Variants in SLC35F4 observed in about 807,000 individuals in gnomAD.
SLC35F4 encodes the protein chromosome 14 open reading frame 36.
A neutral mutation model predicts 44.2 loss-of-function variants in SLC35F4; 24 were observed. The observed-to-expected ratio is 0.54, with a 90% CI of 0.39 to 0.76. The LOEUF (loss-of-function observed/expected upper bound fraction) is 0.76. Ranked by LOEUF, SLC35F4 falls within the 30% of genes least tolerant of loss-of-function variation. SLC35F4 has a pLI of 0.00. For synonymous variants in SLC35F4, 238 were observed against 223.6 expected (o/e 1.06, Z -0.57); for missense variants, 562 against 586.1 (o/e 0.96, Z 0.42).
At chr14:57,707,083 G>A (rs1290054254) in intron 1 of SLC35F4, among the ~76,000 whole-genome samples, 1 of 152,122 alleles carries the variant, frequency 6.6e-6, no homozygotes, top group Non-Finnish European at 1.5e-5. Context: ...AAAGGTATTG[G>A]GAAAAAGAAT....
At chr14:57,664,178 T>A (rs1393299341) in intron 1 of SLC35F4, among the ~76,000 whole-genome samples, 1 of 152,170 alleles carries the variant, frequency 6.6e-6, no homozygotes, top group Non-Finnish European at 1.5e-5. Flanking sequence ...CAGAGACAGA[T>A]GTGCAGAGAA....
At chr14:57,908,266 T>C (rs2141049665) in intron 1 of SLC35F4, among the ~76,000 whole-genome samples, 1 of 152,328 alleles carries the variant, frequency 6.6e-6, no homozygotes, top group African/African-American at 2.4e-5. Flanking sequence ...TGTGCATGTG[T>C]CTTTAGAGTA....
intron 1 of SLC35F4, among the ~76,000 whole-genome samples, chr14:57,615,983 C>T (rs1166141846): frequency 6.6e-6 from 1 of 152,166 alleles, no homozygotes; most frequent in Middle Eastern, 3.2e-3. Context: ...TGATTTTCTA[C>T]ATTTAAAATT....
At chr14:57,889,748 A>G (rs1888721242) in intron 1 of SLC35F4, among the ~76,000 whole-genome samples, 1 of 152,222 alleles carries the variant, frequency 6.6e-6, no homozygotes, top group Admixed American at 6.5e-5. Context: ...AATATCTTTT[A>G]TTAAAATGAA....
chr14:57,943,051 G>T (rs1481454415), intron 1 of SLC35F4, among the ~76,000 whole-genome samples: 1 of 152,132 alleles, frequency 6.6e-6, no homozygotes, highest in Non-Finnish European at 1.5e-5. Flanking sequence ...CAATCTCTTT[G>T]TTCCTCATAA....
chr14:57,714,930 G>A (rs2075902297), intron 1 of SLC35F4, among the ~76,000 whole-genome samples: 1 of 152,200 alleles, frequency 6.6e-6, no homozygotes, highest in Admixed American at 6.5e-5. Context: ...GGAAGATGAG[G>A]GAGTTTGCAG....
At chr14:57,589,093 C>T (rs574490093) in intron 3 of SLC35F4, 123 bp downstream of exon 3, 24 of 1,058,410 alleles carry the variant, frequency 2.3e-5, no homozygotes, top group Non-Finnish European at 3.0e-5. Context: ...TCGTCTCCAA[C>T]CTTAGATCTT....
chr14:57,770,886 C>T (rs1324482621), intron 1 of SLC35F4, among the ~76,000 whole-genome samples: 2 of 152,060 alleles, frequency 1.3e-5, no homozygotes, highest in African/African-American at 4.8e-5. Flanking sequence ...TACCCAAAAC[C>T]CTATTTGGTC....
intron 1 of SLC35F4, among the ~76,000 whole-genome samples, chr14:57,949,749 G>A (rs1029277896): frequency 2.6e-5 from 4 of 151,986 alleles, no homozygotes; most frequent in African/African-American, 9.7e-5. Context: ...GCATTTGTTT[G>A]TCTGAAAAAA....
chr14:57,583,607 G>A (rs116383785), intron 3 of SLC35F4, among the ~76,000 whole-genome samples: 4,287 of 152,276 alleles, frequency 0.028, 79 homozygotes, highest in Middle Eastern at 0.051. Flanking sequence ...CTGGGAAGAC[G>A]CTGCTGACTG....
At chr14:57,631,424 T>C (rs1339633622) in intron 1 of SLC35F4, among the ~76,000 whole-genome samples, 4 of 152,090 alleles carry the variant, frequency 2.6e-5, no homozygotes, top group African/African-American at 4.8e-5. Flanking sequence ...TTAAGGGGCA[T>C]TGTTGATCAT....
chr14:57,796,170 C>T (rs896491837), intron 1 of SLC35F4, among the ~76,000 whole-genome samples: 13 of 152,038 alleles, frequency 8.6e-5, no homozygotes, highest in Non-Finnish European at 1.3e-4. Context: ...GTACATATAC[C>T]TCATTTTCTT....
At chr14:57,666,485 T>C (rs2074313557) in intron 1 of SLC35F4, among the ~76,000 whole-genome samples, 1 of 152,102 alleles carries the variant, frequency 6.6e-6, no homozygotes, top group Non-Finnish European at 1.5e-5. Flanking sequence ...AAAGAGTTCT[T>C]CCCCAGATGA....
chr14:57,781,755 T>C (rs756569478), intron 1 of SLC35F4, among the ~76,000 whole-genome samples: 12 of 152,312 alleles, frequency 7.9e-5, no homozygotes, highest in Admixed American at 2.6e-4. Context: ...GATCATGTCC[T>C]TTGCAGGAAA....
At chr14:57,958,449 C>G (rs750004164) in intron 1 of SLC35F4, among the ~76,000 whole-genome samples, 116 of 151,596 alleles carry the variant, frequency 7.7e-4, no homozygotes, top group Non-Finnish European at 1.1e-3. Context: ...TCTAGAATAG[C>G]CAAATCCTCA....
chr14:57,709,851 T>C (rs2075774046), intron 1 of SLC35F4, among the ~76,000 whole-genome samples: 1 of 152,134 alleles, frequency 6.6e-6, no homozygotes, highest in Non-Finnish European at 1.5e-5. Flanking sequence ...TTCACAAAGA[T>C]ATGGTTTGGA....
At chr14:57,722,670 G>A (rs544404671) in intron 1 of SLC35F4, among the ~76,000 whole-genome samples, 85 of 152,286 alleles carry the variant, frequency 5.6e-4, no homozygotes, top group African/African-American at 2.0e-3. Context: ...AGGCAAAGCG[G>A]CAATCAGAAT....
At chr14:57,936,834 C>G (rs1176287502) in intron 1 of SLC35F4, among the ~76,000 whole-genome samples, 1 of 152,070 alleles carries the variant, frequency 6.6e-6, no homozygotes, top group Non-Finnish European at 1.5e-5. Flanking sequence ...CATGGAGGAG[C>G]ATTCCAGGAG....
At chr14:57,941,696 T>G (rs2141073247) in intron 1 of SLC35F4, among the ~76,000 whole-genome samples, 1 of 152,238 alleles carries the variant, frequency 6.6e-6, no homozygotes, top group African/African-American at 2.4e-5. Flanking sequence ...GTTAGGCTAA[T>G]TTCAGCTCAA....
Sources: allele counts gnomAD v4.1 joint callset (sites outside exome capture counted in the v4.1 genomes callset), GRCh38; gene constraint gnomAD v4.1.1; transcripts MANE v1.5; gene names NCBI Gene and HGNC (gene_info 2026-07-23, HGNC 2026-07-21).